The following AVL9 variants were observed in gnomAD, a reference collection of about 807,000 sequenced individuals.
AVL9 encodes AVL9 cell migration associated.
AVL9 carries 49 observed loss-of-function variants against 79.2 expected under a neutral mutation model. The ratio of observed to expected loss-of-function variants is 0.62; its 90% CI spans 0.49 to 0.79. The LOEUF is 0.79. AVL9 is among the 30% of genes least tolerant of loss of function. The pLI, the probability that AVL9 is intolerant of heterozygous loss-of-function variation, is 0.00. For missense variants in AVL9, 682 were observed against 776.8 expected (o/e 0.88, Z 1.45); for synonymous variants, 299 against 280.6 (o/e 1.07, Z -0.65).
chr7:32,537,353 A>G (rs1788957505), intron 1 of AVL9: 1 of 152,086 alleles, frequency 6.6e-6, no homozygotes. Flanking sequence ...ACATTTGAAT[A>G]TTCTGAAAAG....
intron 1 of AVL9, among the ~76,000 whole-genome samples, chr7:32,542,093 C>T (rs1041662295): frequency 7.3e-5 from 11 of 151,536 alleles, no homozygotes; most frequent in Middle Eastern, 3.2e-3. Context: ...TTCTTCTAAA[C>T]GGAAAACGTT....
chr7:32,499,023 C>CA lies in AVL9; in HGVS notation c.93+3221_93+3222insA, dbSNP rs1786994606. Among the ~76,000 whole-genome samples, 2 of 95,776 alleles carry CA rather than the reference C, an allele frequency of 2.1e-5. 1 individual carries two copies. Among genetic ancestry groups the CA allele is most frequent in the Admixed American group, 2.5e-4 (2 of 8,086 alleles). The allele number at this position is 95,776 out of a possible 152,430, so 62.8% of individuals were successfully genotyped here. On this transcript the variant is annotated intron_variant, in intron 1 of 15. Coordinates refer to ENST00000318709, the MANE Select transcript of AVL9 (RefSeq NM_015060.3). ...TACTAAAAATACAAAATTAGCTGCG[C>CA]GTGGTGGCACATGCCTGTGATCCCA...
chr7:32,503,571 A>C (rs1312791376), intron 1 of AVL9, among the ~76,000 whole-genome samples: 2 of 150,058 alleles, frequency 1.3e-5, no homozygotes, highest in Non-Finnish European at 3.0e-5. Context: ...AAAAAAAAAA[A>C]AAAAACTAGA....
rs913194360 is a variant in AVL9 at position 32,585,913 on chromosome 7, C to T, written c.*2006C>T. ...GACTATAAAGAATTCATTCTAACAT[C>T]TTGTTTCATAAGGGCCACATCATTC... On this transcript the variant is annotated 3_prime_UTR_variant, in exon 16 of 16. Transcript: ENST00000318709. 3.9e-5 allele frequency: 6 copies of T among 152,136 alleles called. No individual in the cohort carries two copies. Among genetic ancestry groups the T allele is most frequent in the Admixed American group, 2.0e-4 (3 of 15,272 alleles). The allele number at this position is 152,136 out of a possible 1,614,324, so 9.4% of individuals were successfully genotyped here.
At chr7:32,537,439 A>G (rs545494876) in intron 1 of AVL9, 10 of 150,514 alleles carry the variant, frequency 6.6e-5, no homozygotes, top group Non-Finnish European at 1.3e-4. Flanking sequence ...ATGAAATAAT[A>G]TATATCCATT....
At chr7:32,497,894 G>A (rs928153852) in intron 1 of AVL9, among the ~76,000 whole-genome samples, 11 of 152,122 alleles carry the variant, frequency 7.2e-5, no homozygotes, top group Non-Finnish European at 1.0e-4. Context: ...CTCGTGATCC[G>A]CCCGCCTCGG....
intron 1 of AVL9, among the ~76,000 whole-genome samples, chr7:32,522,271 C>T (rs1788191397): frequency 1.3e-5 from 2 of 152,166 alleles, no homozygotes; most frequent in South Asian, 2.1e-4. Flanking sequence ...GCTGCAGACA[C>T]TCAACGCCAG....
intron 10 of AVL9, among the ~76,000 whole-genome samples, chr7:32,566,724 A>AG (rs1392599913): frequency 6.6e-6 from 1 of 150,854 alleles, no homozygotes; most frequent in Non-Finnish European, 1.5e-5. Context: ...TAAAAATACA[A>AG]AAAAAGAAAT....
intron 8 of AVL9, among the ~76,000 whole-genome samples, chr7:32,556,519 A>AAATGAATGAATGAATGAATG (rs1554343042): frequency 4.0e-5 from 6 of 149,458 alleles, no homozygotes; most frequent in East Asian, 2.0e-4. Flanking sequence ...ATCTCAAAGT[A>AAATGAATGAATGAATGAATG]AATGAATGAA....
At chr7:32,507,769 A>T (rs1787473614) in intron 1 of AVL9, among the ~76,000 whole-genome samples, 1 of 152,190 alleles carries the variant, frequency 6.6e-6, no homozygotes, top group South Asian at 2.1e-4. Flanking sequence ...TTAAGAGTGG[A>T]ATTGATGGAT....
chr7:32,520,993 C>T (rs1788118528), intron 1 of AVL9, among the ~76,000 whole-genome samples: 1 of 152,070 alleles, frequency 6.6e-6, no homozygotes, highest in Admixed American at 6.6e-5. Context: ...AGGGTTTCTG[C>T]TTTTGCTCCT....
chr7:32,559,523 T>G, intron 10 of AVL9, 59 bp downstream of exon 10: 1 of 1,494,134 alleles, frequency 6.7e-7, no homozygotes, highest in Non-Finnish European at 8.9e-7. Flanking sequence ...CTTTCGGAGT[T>G]TAACTTTTGA....
intron 1 of AVL9, among the ~76,000 whole-genome samples, chr7:32,541,192 C>T (rs1463209643): frequency 1.3e-5 from 2 of 151,888 alleles, no homozygotes; most frequent in African/African-American, 4.8e-5. Flanking sequence ...TGAGCCACCG[C>T]GCCCGGCCTG....
At chr7:32,547,438 C>G (rs1211110625) in intron 3 of AVL9, among the ~76,000 whole-genome samples, 1 of 152,130 alleles carries the variant, frequency 6.6e-6, no homozygotes, top group South Asian at 2.1e-4. Flanking sequence ...AGCTGCTGTC[C>G]GTTCTTGGAA....
intron 10 of AVL9, among the ~76,000 whole-genome samples, chr7:32,566,263 A>G (rs66749985): frequency 0.83 from 113,642 of 136,850 alleles, 47,251 homozygotes; most frequent in Middle Eastern, 0.88. Flanking sequence ...TGCAACCTCC[A>G]CCTCCTGTGC....
chr7:32,549,054 C>G (rs1490698085), intron 4 of AVL9, 136 bp downstream of exon 4: 3 of 475,488 alleles, frequency 6.3e-6, no homozygotes, highest in Non-Finnish European at 1.0e-5. Context: ...TCCTCATTCT[C>G]TTTCCCTTTC....
intron 11 of AVL9, among the ~76,000 whole-genome samples, chr7:32,571,716 G>T (rs568717881): frequency 6.6e-6 from 1 of 151,204 alleles, no homozygotes; most frequent in African/African-American, 2.4e-5. Context: ...GATACAGATG[G>T]GAGGACCATA....
chr7:32,562,987 A>C (rs1790392888), intron 10 of AVL9, among the ~76,000 whole-genome samples: 1 of 152,164 alleles, frequency 6.6e-6, no homozygotes, highest in Non-Finnish European at 1.5e-5. Flanking sequence ...TTGGCATAGT[A>C]TTTGCATATA....
At chr7:32,521,524 A>G (rs1340837957) in intron 1 of AVL9, among the ~76,000 whole-genome samples, 1 of 152,206 alleles carries the variant, frequency 6.6e-6, no homozygotes, top group African/African-American at 2.4e-5. Context: ...GGTATCTGGC[A>G]GAAGAAATTT....
Sources: gnomAD v4.1 joint callset for allele counts (sites outside exome capture counted in the v4.1 genomes callset) on GRCh38, gnomAD v4.1.1 for gene constraint, MANE v1.5 for transcripts, NCBI Gene and HGNC (gene_info 2026-07-23, HGNC 2026-07-21) for gene names.